NBEAL1: variants seen among roughly 807,000 people sequenced by gnomAD.
The protein encoded by NBEAL1 is neurobeachin like 1.
NBEAL1 carries 273 observed loss-of-function variants against 351.3 expected under a neutral mutation model. That is an observed-to-expected ratio of 0.78 (90% CI 0.70 to 0.86). The LOEUF (loss-of-function observed/expected upper bound fraction) is 0.86, where lower values mean the gene tolerates loss of function less well. Ranked by LOEUF, NBEAL1 falls within the 40% of genes least tolerant of loss-of-function variation. The pLI is 0.00. For synonymous variants in NBEAL1, 1,050 were observed against 1,086.4 expected, an observed-to-expected ratio of 0.97 and a Z score of 0.66; for missense variants, 2,961 against 3,201.3, an observed-to-expected ratio of 0.92 and a Z score of 1.81.
chr2:203,161,098 C>T (rs1201670276), intron 36 of NBEAL1, among the ~76,000 whole-genome samples: 2 of 152,020 alleles, frequency 1.3e-5, no homozygotes, highest in Non-Finnish European at 2.9e-5. Context: ...GAGGCCGAGG[C>T]GGGTGGATCA....
intron 23 of NBEAL1, among the ~76,000 whole-genome samples, chr2:203,127,258 AT>A (rs1361617024): frequency 6.6e-6 from 1 of 152,212 alleles, no homozygotes; most frequent in Non-Finnish European, 1.5e-5. Context: ...CACTTAAAGT[AT>A]GTCTGCTATG....
chr2:203,135,631 T>C (rs1434085545), intron 27 of NBEAL1, 46 bp from the exon 28 acceptor site: 1 of 1,153,098 alleles, frequency 8.7e-7, no homozygotes, highest in Admixed American at 3.0e-5. Context: ...TGATATAAAG[T>C]ACTATGTACT....
intron 44 of NBEAL1, among the ~76,000 whole-genome samples, chr2:203,188,168 T>C (rs553311438): frequency 1.7e-3 from 261 of 152,324 alleles, no homozygotes; most frequent in African/African-American, 6.2e-3. Flanking sequence ...ATTCCATATC[T>C]ATCTTTTAGC....
rs757306356 is a variant in NBEAL1, at chr2:203,202,654, G to C, written c.7412-33G>C. 2.4e-5 allele frequency: 29 copies of C among 1,209,266 alleles called. No homozygotes were observed. The African/African-American group carries it at 3.9e-4, about 16-fold the overall frequency. The allele number at this position is 1,209,266 out of a possible 1,614,324, so 74.9% of individuals were successfully genotyped here. On this transcript the variant is annotated intron_variant, in intron 50 of 55. Transcript: ENST00000683969. Reference sequence around the variant, plus strand: ...TAAAGTTCTATTTTAGCAAAACGAGGCATCTCATTTTATTTAATTCCTTTT... The same window carrying C: ...TAAAGTTCTATTTTAGCAAAACGAGCCATCTCATTTTATTTAATTCCTTTT...
Position 203,145,146 on chromosome 2 carries a change from A to G in NBEAL1, c.5290A>G (p.Lys1764Glu). 2 of 1,600,526 alleles carry G rather than the reference A, an allele frequency of 1.2e-6. No homozygotes were observed. The highest frequency in any genetic ancestry group is 1.1e-5 in the South Asian group (1 of 87,304). The change falls in exon 33 of 56, where the codon AAG becomes GAG. Residue 1764 changes from lysine to glutamate, a missense_variant. Physicochemically the swap from Lys to Glu is moderately conservative, Grantham distance 56. Transcript: ENST00000683969. The stretch of plus-strand genomic sequence containing the variant: ...ACGAGACCGGGAAGGAGGGGAAAGC[A>G]AGCTCAAATTTCAGGTAAAAAGTAA... Reference protein sequence around the residue: ...HKRDREGGESKLKFQELFVEP... With the variant: ...HKRDREGGESELKFQELFVEP...
rs1575098108 is a variant in NBEAL1, at chr2:203,183,725, A to C, written c.6705+337A>C. 2.0e-5 allele frequency among the ~76,000 whole-genome samples: 3 copies of C among 152,240 alleles called. No homozygotes were observed. In the East Asian group the frequency reaches 5.8e-4, roughly 29 times the overall value. On this transcript the variant is annotated intron_variant, in intron 44 of 55. Coordinates refer to ENST00000683969, the MANE Select transcript of NBEAL1 (RefSeq NM_001378026.1). ...CAGTTTTCACATTTATTTCAAATCT[A>C]ATAAGGATGAGTACATTTTTGTTTT...
At chr2:203,030,568 C>T (rs1295233736) in intron 2 of NBEAL1, among the ~76,000 whole-genome samples, 2 of 152,140 alleles carry the variant, frequency 1.3e-5, no homozygotes, top group Non-Finnish European at 2.9e-5. Context: ...ATTCCCAAAG[C>T]TTACAACTTT....
Position 203,135,747 on chromosome 2 carries a change from C to A in NBEAL1, c.3884C>A (p.Thr1295Asn), listed in dbSNP as rs749904972. ...QISQQVGWQD[T>N]LVRLFLKAKF... Reference sequence around the variant, plus strand: ...TCACAGCAAGTGGGTTGGCAAGACACCTTAGTTAGGCTTTTTTTAAAAGCA... The same window carrying A: ...TCACAGCAAGTGGGTTGGCAAGACAACTTAGTTAGGCTTTTTTTAAAAGCA... Residue 1295 changes from threonine to asparagine, a missense_variant, in exon 28 of 56, where the codon ACC becomes AAC. Coordinates refer to ENST00000683969, the MANE Select transcript of NBEAL1 (RefSeq NM_001378026.1). The A allele has an allele frequency of 5.6e-5, 88 of 1,585,220 alleles. 1 individual carries two copies. The South Asian group carries it at 1.0e-3, about 18-fold the overall frequency.
chr2:203,200,187 G>T (rs948483112), intron 49 of NBEAL1, among the ~76,000 whole-genome samples: 25 of 152,130 alleles, frequency 1.6e-4, no homozygotes, highest in Non-Finnish European at 3.1e-4. Context: ...AGACCAGCCT[G>T]GCCAACATGG....
chr2:203,184,100 G>GAAAC (rs1217904884), intron 44 of NBEAL1, among the ~76,000 whole-genome samples: 1,658 of 104,878 alleles, frequency 0.016, 96 homozygotes, highest in East Asian at 0.02. Context: ...AAAAAAAAAA[G>GAAAC]AAACAAACAA....
intron 42 of NBEAL1, among the ~76,000 whole-genome samples, chr2:203,175,635 A>G (rs2064477125): frequency 1.3e-5 from 2 of 152,212 alleles, no homozygotes; most frequent in Non-Finnish European, 2.9e-5. Flanking sequence ...AATATGTATC[A>G]TGAGGAATGG....
rs774822238 is a variant in NBEAL1 at position 203,136,259 on chromosome 2, T to G, written c.4389+7T>G. The G allele has an allele frequency of 6.5e-7, 1 of 1,539,066 alleles. No homozygotes were observed. Among genetic ancestry groups the G allele is most frequent in the African/African-American group, 1.4e-5 (1 of 71,990 alleles). ...TTTACTTGAAAGCCAAGAGGTAAAA[T>G]TGCTTATTTTTCCAAATGTTGTTTT... On this transcript the variant is annotated splice_region_variant and intron_variant, in intron 28 of 55. Transcript: ENST00000683969.
chr2:203,172,514 T>G (rs192818224), intron 40 of NBEAL1, among the ~76,000 whole-genome samples: 4 of 151,842 alleles, frequency 2.6e-5, no homozygotes, highest in African/African-American at 9.7e-5. Context: ...GAGCAAGACT[T>G]TGTCTCAAAA....
chr2:203,076,925 CATT>C (rs1317338632), intron 7 of NBEAL1, among the ~76,000 whole-genome samples: 3 of 152,018 alleles, frequency 2.0e-5, no homozygotes, highest in Non-Finnish European at 4.4e-5. Context: ...TTACACCTCT[CATT>C]AGTAAAAATT....
intron 17 of NBEAL1, 45 bp from the exon 18 acceptor site, chr2:203,115,940 C>G (rs1447755268): frequency 8.0e-7 from 1 of 1,243,790 alleles, no homozygotes. Context: ...ACCAAGGAGA[C>G]CATATATATT....
At chr2:203,143,986 T>C (rs920338025) in intron 31 of NBEAL1, among the ~76,000 whole-genome samples, 1 of 151,846 alleles carries the variant, frequency 6.6e-6, no homozygotes, top group African/African-American at 2.4e-5. Flanking sequence ...CCAAGGCAGG[T>C]GGATCACGAG....
intron 50 of NBEAL1, 46 bp downstream of exon 50, chr2:203,201,761 T>A: frequency 2.0e-6 from 3 of 1,507,912 alleles, no homozygotes; most frequent in Non-Finnish European, 2.7e-6. Context: ...ATTTTCTTTT[T>A]TTCTTAAGTA....
At chr2:203,123,613 C>T (rs1375020578) in intron 19 of NBEAL1, among the ~76,000 whole-genome samples, 4 of 152,082 alleles carry the variant, frequency 2.6e-5, no homozygotes, top group African/African-American at 7.2e-5. Context: ...GGATTACAGG[C>T]GTGAGCCACC....
intron 12 of NBEAL1, among the ~76,000 whole-genome samples, chr2:203,102,019 T>A (rs1016518612): frequency 8.5e-5 from 13 of 152,234 alleles, no homozygotes; most frequent in African/African-American, 3.1e-4. Flanking sequence ...TGTAGAGATC[T>A]TTCACCTCAC....
Sources: allele counts gnomAD v4.1 joint callset (sites outside exome capture counted in the v4.1 genomes callset), GRCh38; gene constraint gnomAD v4.1.1; transcripts MANE v1.5; gene names NCBI Gene and HGNC (gene_info 2026-07-23, HGNC 2026-07-21).